ASAP1: variants seen among roughly 807,000 people sequenced by gnomAD.
ASAP1 encodes arf-GAP with SH3 domain, ANK repeat and PH domain-containing protein 1.
Under a neutral mutation model 145.2 loss-of-function variants are expected in ASAP1, and 43 were observed. That is an observed-to-expected ratio of 0.30 (90% CI 0.23 to 0.38). The LOEUF is 0.38. Ranked by LOEUF, ASAP1 falls within the 10% of genes least tolerant of loss-of-function variation. The probability of loss-of-function intolerance (pLI) is 1.00; values close to 1 mark genes in which losing one functional copy is unlikely to be tolerated. For synonymous variants in ASAP1, 546 were observed against 515.5 expected, an observed-to-expected ratio of 1.06 and a Z score of -0.80; for missense variants, 1,018 against 1,355.3, an observed-to-expected ratio of 0.75 and a Z score of 3.91.
At chr8:130,076,799 C>T (rs927913756) in intron 26 of ASAP1, among the ~76,000 whole-genome samples, 7 of 152,174 alleles carry the variant, frequency 4.6e-5, no homozygotes, top group Non-Finnish European at 1.0e-4. Flanking sequence ...GGATTACAGG[C>T]ATGAGCCACT....
intron 4 of ASAP1, among the ~76,000 whole-genome samples, chr8:130,216,979 T>C (rs1177612962): frequency 1.3e-5 from 2 of 152,236 alleles, no homozygotes; most frequent in Non-Finnish European, 2.9e-5. Flanking sequence ...GCATCAGATC[T>C]TGTGACTCTT....
At chr8:130,439,511 T>C (rs1413199265) in intron 1 of ASAP1, among the ~76,000 whole-genome samples, 1 of 152,146 alleles carries the variant, frequency 6.6e-6, no homozygotes, top group Non-Finnish European at 1.5e-5. Context: ...ATTTGTCGAA[T>C]TTACCCTTAC....
intron 18 of ASAP1, among the ~76,000 whole-genome samples, chr8:130,122,255 G>A (rs1156266438): frequency 2.6e-5 from 4 of 152,150 alleles, no homozygotes; most frequent in Non-Finnish European, 4.4e-5. Context: ...CATCTCCTCA[G>A]AATGTAAGCA....
intron 2 of ASAP1, among the ~76,000 whole-genome samples, chr8:130,367,337 T>G (rs1565253390): frequency 6.6e-6 from 1 of 152,220 alleles, no homozygotes; most frequent in Non-Finnish European, 1.5e-5. Flanking sequence ...AGGTGTATTT[T>G]AAAAGTGACC....
At chr8:130,387,095 G>A (rs1048403897) in intron 2 of ASAP1, among the ~76,000 whole-genome samples, 1 of 152,188 alleles carries the variant, frequency 6.6e-6, no homozygotes, top group African/African-American at 2.4e-5. Context: ...TTAGCTCACA[G>A]TTTCCATTTT....
chr8:130,276,724 A>ACTCTCTCTCTCT (rs1471141965), intron 3 of ASAP1, among the ~76,000 whole-genome samples: 16 of 102,632 alleles, frequency 1.6e-4, no homozygotes, highest in African/African-American at 5.2e-4. Context: ...ACACACACAC[A>ACTCTCTCTCTCT]CACACTCTCT....
chr8:130,109,117 G>A (rs1169844762), intron 24 of ASAP1, among the ~76,000 whole-genome samples: 1 of 152,076 alleles, frequency 6.6e-6, no homozygotes, highest in Non-Finnish European at 1.5e-5. Context: ...GTGGGGTGGG[G>A]GCAGGGGGAA....
chr8:130,225,970 C>T (rs1265931468), intron 4 of ASAP1, among the ~76,000 whole-genome samples: 1 of 152,010 alleles, frequency 6.6e-6, no homozygotes, highest in Non-Finnish European at 1.5e-5. Context: ...CCTCGATCTC[C>T]TGGCTCAAGT....
intron 9 of ASAP1, among the ~76,000 whole-genome samples, chr8:130,173,920 A>AT (rs1030244046): frequency 1.4e-5 from 2 of 147,866 alleles, no homozygotes; most frequent in African/African-American, 4.9e-5. Flanking sequence ...TAAAAAAAAA[A>AT]GAAAAAAAAA....
At chr8:130,276,728 A>ACACACACACACACTCTCTCTCTCTCT (rs548512902) in intron 3 of ASAP1, among the ~76,000 whole-genome samples, 2 of 87,316 alleles carry the variant, frequency 2.3e-5, no homozygotes, top group East Asian at 4.9e-4. Context: ...ACACACACAC[A>ACACACACACACACTCTCTCTCTCTCT]CTCTCTCTCT....
At chr8:130,305,835 TG>T (rs1244876220) in intron 3 of ASAP1, among the ~76,000 whole-genome samples, 1 of 152,178 alleles carries the variant, frequency 6.6e-6, no homozygotes, top group African/African-American at 2.4e-5. Flanking sequence ...TACTACCAGC[TG>T]TTTCACTGGC....
chr8:130,164,643 G>C (rs1002976967), intron 11 of ASAP1, among the ~76,000 whole-genome samples: 1 of 152,106 alleles, frequency 6.6e-6, no homozygotes, highest in Non-Finnish European at 1.5e-5. Flanking sequence ...ATAGCAAATA[G>C]TTCTTTTGTA....
chr8:130,115,463 A>G, intron 23 of ASAP1, 165 bp downstream of exon 23: 2 of 621,560 alleles, frequency 3.2e-6, no homozygotes, highest in South Asian at 2.0e-5. Context: ...CAACCTTAAT[A>G]TAGCTGTTAA....
chr8:130,390,106 C>A (rs1470466421), intron 2 of ASAP1, among the ~76,000 whole-genome samples: 1 of 152,126 alleles, frequency 6.6e-6, no homozygotes, highest in African/African-American at 2.4e-5. Flanking sequence ...TAACAGCTCC[C>A]CAGGTGACCC....
intron 1 of ASAP1, among the ~76,000 whole-genome samples, chr8:130,406,069 A>G (rs1829013416): frequency 1.3e-5 from 2 of 152,174 alleles, no homozygotes; most frequent in South Asian, 2.1e-4. Context: ...CATTTCTGGG[A>G]CTCTTTTCTT....
chr8:130,121,391 T>C (rs528795652), intron 18 of ASAP1, among the ~76,000 whole-genome samples: 64 of 152,286 alleles, frequency 4.2e-4, no homozygotes, highest in African/African-American at 1.5e-3. Context: ...TGGGTGACAG[T>C]AGCACCTGTC....
intron 3 of ASAP1, among the ~76,000 whole-genome samples, chr8:130,270,085 G>A (rs147038227): frequency 2.6e-5 from 4 of 152,322 alleles, no homozygotes; most frequent in South Asian, 2.1e-4. Context: ...CACAAGAATC[G>A]CTTGAACTTG....
chr8:130,189,737 T>A (rs1417739417), intron 5 of ASAP1, among the ~76,000 whole-genome samples: 4 of 152,166 alleles, frequency 2.6e-5, no homozygotes, highest in African/African-American at 9.7e-5. Flanking sequence ...TCTATACCAT[T>A]CTCCATAGTG....
intron 12 of ASAP1, among the ~76,000 whole-genome samples, chr8:130,153,357 A>ATATATATATG (rs1337737853): frequency 2.5e-5 from 1 of 39,872 alleles, no homozygotes; most frequent in African/African-American, 8.0e-5. Flanking sequence ...ATATATATAT[A>ATATATATATG]TGTATATATA....
Sources: allele counts gnomAD v4.1 joint callset (sites outside exome capture counted in the v4.1 genomes callset), GRCh38; gene constraint gnomAD v4.1.1; transcripts MANE v1.5; gene names NCBI Gene and HGNC (gene_info 2026-07-23, HGNC 2026-07-21).